The following CLNK variants were observed in gnomAD, a reference collection of about 807,000 sequenced individuals.
CLNK encodes cytokine-dependent hematopoietic cell linker.
In CLNK, 74 loss-of-function variants were observed where a neutral mutation model predicts 68.6. The ratio of observed to expected loss-of-function variants is 1.08; its 90% CI spans 0.89 to 1.31. The LOEUF is 1.31. Ranked by LOEUF, CLNK falls within the 50% of genes most tolerant of loss-of-function variation. CLNK has a pLI of 0.00. For synonymous variants in CLNK, 198 were observed against 172.2 expected (o/e 1.15, Z -1.17); for missense variants, 553 against 515.3 (o/e 1.07, Z -0.71).
Position 10,540,921 on chromosome 4 carries a change from T to A in CLNK, c.492-317A>T, listed in dbSNP as rs145884805. 5.4e-3 allele frequency among the ~76,000 whole-genome samples: 824 copies of A among 151,844 alleles called. 5 individuals are homozygous for A. Among genetic ancestry groups the A allele is most frequent in the African/African-American group, 0.019 (782 of 41,424 alleles). ...GAGTTTTTAGAACTACCCAAATAAA[T>A]ATAAAAAAAGTGGCCAGGCATGGTG... On this transcript the variant is annotated intron_variant, in intron 10 of 18. Coordinates refer to ENST00000226951, the MANE Select transcript of CLNK (RefSeq NM_052964.4).
Position 10,671,948 on chromosome 4 carries a change from C to T in CLNK, c.-42-4037G>A, listed in dbSNP as rs145766273. On this transcript the variant is annotated intron_variant, in intron 1 of 18. Coordinates refer to ENST00000226951, the MANE Select transcript of CLNK (RefSeq NM_052964.4). Reference sequence around the variant, plus strand: ...AGTCTAAGATAAAAGTTTGCTAGTACGCAAAATAGCTCGCTTTGTCTCTTC... The same window carrying T: ...AGTCTAAGATAAAAGTTTGCTAGTATGCAAAATAGCTCGCTTTGTCTCTTC... 2.2e-3 allele frequency among the ~76,000 whole-genome samples: 340 copies of T among 152,268 alleles called. 1 individual carries two copies. Among genetic ancestry groups the T allele is most frequent in the African/African-American group, 6.5e-3 (272 of 41,548 alleles).
intron 2 of CLNK, among the ~76,000 whole-genome samples, chr4:10,644,477 T>C (rs1305495511): frequency 6.6e-6 from 1 of 152,160 alleles, no homozygotes; most frequent in Non-Finnish European, 1.5e-5. Context: ...ACACTGAGGT[T>C]TGGTCGCATG....
chr4:10,730,198 C>G, the CLNK span, among the ~76,000 whole-genome samples: 1 of 152,172 alleles, frequency 6.6e-6, no homozygotes, highest in Non-Finnish European at 1.5e-5. Context: ...TGCGGCCACC[C>G]TGGCTCATCA....
At chr4:10,622,439 G>A (rs1323049228) in intron 2 of CLNK, among the ~76,000 whole-genome samples, 7 of 152,202 alleles carry the variant, frequency 4.6e-5, no homozygotes, top group African/African-American at 7.2e-5. Flanking sequence ...ATGACGGGAT[G>A]TGACAGGCTA....
intron 2 of CLNK, among the ~76,000 whole-genome samples, chr4:10,625,512 C>T (rs1722632515): frequency 6.6e-6 from 1 of 152,128 alleles, no homozygotes; most frequent in Non-Finnish European, 1.5e-5. Context: ...TATTGTACTA[C>T]AGGCGTGTGC....
intron 1 of CLNK, among the ~76,000 whole-genome samples, chr4:10,672,212 T>C (rs1464237049): frequency 2.0e-5 from 3 of 152,156 alleles, no homozygotes; most frequent in Non-Finnish European, 2.9e-5. Context: ...AATTGCTTGT[T>C]GAAACTGTGC....
chr4:10,670,038 T>G (rs938229248), intron 1 of CLNK, among the ~76,000 whole-genome samples: 5 of 152,218 alleles, frequency 3.3e-5, no homozygotes, highest in Non-Finnish European at 5.9e-5. Context: ...CGTGTGGCCT[T>G]GAAGGAACAC....
chr4:10,707,206 A>G, the CLNK span, among the ~76,000 whole-genome samples: 1 of 152,168 alleles, frequency 6.6e-6, no homozygotes, highest in African/African-American at 2.4e-5. Context: ...CATAAAATAT[A>G]CTAACACTAA....
upstream of CLNK, among the ~76,000 whole-genome samples, chr4:10,689,401 C>T (rs1167721268): frequency 2.6e-5 from 4 of 152,098 alleles, no homozygotes; most frequent in African/African-American, 7.2e-5. Context: ...TCCTAAAGTG[C>T]TGGGGTTACA....
At chr4:10,652,641 G>A (rs1410592188) in intron 2 of CLNK, among the ~76,000 whole-genome samples, 2 of 152,120 alleles carry the variant, frequency 1.3e-5, no homozygotes, top group Non-Finnish European at 2.9e-5. Context: ...TAGTTCACCA[G>A]GAGGGAATAA....
chr4:10,539,551 C>A (rs1718933579), intron 11 of CLNK, among the ~76,000 whole-genome samples: 1 of 152,146 alleles, frequency 6.6e-6, no homozygotes, highest in Admixed American at 6.5e-5. Flanking sequence ...ATGCTGATCA[C>A]TTTTCTGACT....
chr4:10,508,255 G>C (rs1717397784), intron 16 of CLNK, among the ~76,000 whole-genome samples: 1 of 152,206 alleles, frequency 6.6e-6, no homozygotes, highest in African/African-American at 2.4e-5. Flanking sequence ...GAATTCTGAA[G>C]TCTATGGGAA....
At chr4:10,729,749 C>T in the CLNK span, among the ~76,000 whole-genome samples, 15 of 152,310 alleles carry the variant, frequency 9.8e-5, no homozygotes, top group Admixed American at 5.2e-4. Flanking sequence ...CTGTAAGGAA[C>T]GTTGCAAAAG....
In CLNK at chr4:10,664,723, C is replaced by T. The variant is rs1009794830; in HGVS notation, c.11+3136G>A. On this transcript the variant is annotated intron_variant, in intron 2 of 18. Transcript: ENST00000226951. Reference sequence around the variant, plus strand: ...AACAAGCTCCCTGGTGATGCTGACACTGCTGCTGTGCAGCCTGCCCTTAGA... The same window carrying T: ...AACAAGCTCCCTGGTGATGCTGACATTGCTGCTGTGCAGCCTGCCCTTAGA... 2.6e-5 allele frequency among the ~76,000 whole-genome samples: 4 copies of T among 152,220 alleles called. No individual in the cohort carries two copies. In the South Asian group the frequency reaches 6.2e-4, roughly 24 times the overall value.
chr4:10,607,734 C>A (rs1721842524), intron 2 of CLNK, among the ~76,000 whole-genome samples: 1 of 152,188 alleles, frequency 6.6e-6, no homozygotes, highest in Non-Finnish European at 1.5e-5. Flanking sequence ...TGTTTTCAGC[C>A]ACAATCCTGG....
intron 13 of CLNK, among the ~76,000 whole-genome samples, chr4:10,527,783 G>A (rs934990674): frequency 1.3e-5 from 2 of 152,178 alleles, no homozygotes; most frequent in Non-Finnish European, 2.9e-5. Context: ...GACTAGTTAT[G>A]TCTTTCCAAA....
the CLNK span, among the ~76,000 whole-genome samples, chr4:10,706,504 C>T: frequency 2.0e-5 from 3 of 152,196 alleles, no homozygotes; most frequent in Non-Finnish European, 4.4e-5. Flanking sequence ...TTCAATTCCT[C>T]CTGAGGCAAT....
intron 2 of CLNK, among the ~76,000 whole-genome samples, chr4:10,610,047 T>G (rs1245652995): frequency 0.16 from 600 of 3,770 alleles, 36 homozygotes; most frequent in African/African-American, 0.19. Context: ...TTTTTTTTTT[T>G]TTTTTTTTTT....
chr4:10,722,733 T>C, the CLNK span, among the ~76,000 whole-genome samples: 6 of 152,172 alleles, frequency 3.9e-5, no homozygotes, highest in Non-Finnish European at 8.8e-5. Flanking sequence ...AGAGCACCAT[T>C]ACAAAATTTT....
Sources: allele counts gnomAD v4.1 joint callset (sites outside exome capture counted in the v4.1 genomes callset), GRCh38; gene constraint gnomAD v4.1.1; transcripts MANE v1.5; gene names NCBI Gene and HGNC (gene_info 2026-07-23, HGNC 2026-07-21).